Variants in KDELR2 observed in about 807,000 individuals in gnomAD.
KDELR2 encodes the protein ER lumen protein-retaining receptor 2.
KDELR2 carries 15 observed loss-of-function variants against 23.9 expected under a neutral mutation model. The observed-to-expected ratio is 0.63, with a 90% CI of 0.42 to 0.97. The LOEUF is 0.97. KDELR2 is among the 50% of genes least tolerant of loss of function. The probability of loss-of-function intolerance (pLI) is 0.00; values close to 1 mark genes in which losing one functional copy is unlikely to be tolerated. For missense variants in KDELR2, 272 were observed against 254.6 expected, an observed-to-expected ratio of 1.07 and a Z score of -0.46; for synonymous variants, 119 against 106.2, an observed-to-expected ratio of 1.12 and a Z score of -0.74.
At chr7:6,482,578 G>C (rs1013123660) in intron 1 of KDELR2, 1 of 470,876 alleles carries the variant, frequency 2.1e-6, no homozygotes, top group East Asian at 7.0e-5. Context: ...GTTCCAAGGA[G>C]ACAGGCGAGG....
At chr7:6,479,283 G>A (rs551850598) in intron 1 of KDELR2, among the ~76,000 whole-genome samples, 16 of 151,604 alleles carry the variant, frequency 1.1e-4, no homozygotes, top group African/African-American at 3.9e-4. Context: ...TCAGCCTTCT[G>A]AGTAGCTGGG....
intron 2 of KDELR2, among the ~76,000 whole-genome samples, chr7:6,471,837 T>C (rs1248917261): frequency 6.6e-6 from 1 of 152,126 alleles, no homozygotes; most frequent in Admixed American, 6.5e-5. Flanking sequence ...TGAATGTAAG[T>C]TTTCACTTCT....
Position 6,462,975 on chromosome 7 carries a change from A to T in KDELR2, c.*166T>A. ...GATAAGGCAAGATGCATTAAACAGA[A>T]ACCTTCTGGCTCTTTTCCTCTGCGT... On this transcript the variant is annotated 3_prime_UTR_variant, in exon 5 of 5. Coordinates refer to ENST00000258739, the MANE Select transcript of KDELR2 (RefSeq NM_006854.4). 6.2e-7 allele frequency: 1 copy of T among 1,613,324 alleles called. No homozygotes were observed. Among genetic ancestry groups the T allele is most frequent in the Non-Finnish European group, 8.5e-7 (1 of 1,179,780 alleles).
Position 6,466,219 on chromosome 7 carries a change from C to G in KDELR2, c.456G>C (p.Leu152=). The G allele has an allele frequency of 6.2e-7, 1 of 1,614,142 alleles. No individual in the cohort carries two copies. Among genetic ancestry groups the G allele is most frequent in the Non-Finnish European group, 8.5e-7 (1 of 1,180,040 alleles). ...AAGCACGATAGAGGCCCAGGAAGAA[C>G]AGGTAGTGGGTGGTGATGGTCTCGG... ...GEAETITTHY[L]FFLGLYRALY... The change falls in exon 4 of 5, where the codon CTG becomes CTC. Residue 152 remains leucine (L), a synonymous_variant. Coordinates refer to ENST00000258739, the MANE Select transcript of KDELR2 (RefSeq NM_006854.4).
intron 1 of KDELR2, among the ~76,000 whole-genome samples, chr7:6,481,015 G>C (rs1007395539): frequency 2.0e-5 from 3 of 152,120 alleles, no homozygotes; most frequent in Non-Finnish European, 4.4e-5. Flanking sequence ...TAGCATTTTA[G>C]CTGAAGTATT....
intron 2 of KDELR2, among the ~76,000 whole-genome samples, chr7:6,473,652 AT>A (rs1785698244): frequency 6.6e-6 from 1 of 152,252 alleles, no homozygotes; most frequent in African/African-American, 2.4e-5. Flanking sequence ...TATAGAGATC[AT>A]TTAAGCACGG....
rs148258667 is a variant in KDELR2, at chr7:6,464,614, C to A, written c.605-1439G>T. ...GGCTGAGACAGCAGACTCGCTTGAA[C>A]TTGGGAGGCAGAGGTTGCAGTGAGC... On this transcript the variant is annotated intron_variant, in intron 4 of 4. Coordinates refer to ENST00000258739, the MANE Select transcript of KDELR2 (RefSeq NM_006854.4). Among the ~76,000 whole-genome samples, 1,211 of 152,100 alleles carry A rather than the reference C, an allele frequency of 8.0e-3. 22 individuals are homozygous for A. The highest frequency in any genetic ancestry group is 0.017 in the African/African-American group (691 of 41,492).
chr7:6,469,760 A>C lies in KDELR2; in HGVS notation c.193-6T>G, dbSNP rs920051763. The C allele has an allele frequency of 4.4e-6, 7 of 1,601,480 alleles. No individual in the cohort carries two copies. The Admixed American group carries it at 1.2e-4, about 28-fold the overall frequency. ...GAGCAGGCAAGGTAGATAACCTACA[A>C]ATAAAAGAAAAAACACCAGGTGTCA... On this transcript the variant is annotated splice_polypyrimidine_tract_variant and splice_region_variant and intron_variant, in intron 2 of 4. Coordinates refer to ENST00000258739, the MANE Select transcript of KDELR2 (RefSeq NM_006854.4).
chr7:6,470,750 C>T (rs1785615573), intron 2 of KDELR2, among the ~76,000 whole-genome samples: 1 of 152,046 alleles, frequency 6.6e-6, no homozygotes, highest in Admixed American at 6.6e-5. Flanking sequence ...CCACTATGAC[C>T]ACCATCATGC....
chr7:6,475,828 C>T (rs889938904), intron 1 of KDELR2, among the ~76,000 whole-genome samples: 3 of 152,250 alleles, frequency 2.0e-5, no homozygotes, highest in Non-Finnish European at 2.9e-5. Flanking sequence ...CACCACTACA[C>T]ATTTTAGTAA....
chr7:6,474,019 C>A, intron 2 of KDELR2, 165 bp downstream of exon 2: 1 of 486,490 alleles, frequency 2.1e-6, no homozygotes, highest in Non-Finnish European at 3.6e-6. Flanking sequence ...TCGTTTAGTC[C>A]CAGTTATATA....
At chr7:6,468,415 C>T (rs117651444) in intron 3 of KDELR2, among the ~76,000 whole-genome samples, 3,487 of 152,256 alleles carry the variant, frequency 0.023, 62 homozygotes, top group Middle Eastern at 0.054. Context: ...CTGCAACTTC[C>T]GCCTCCAGGT....
At chr7:6,469,053 G>A (rs939799734) in intron 3 of KDELR2, among the ~76,000 whole-genome samples, 3 of 151,366 alleles carry the variant, frequency 2.0e-5, no homozygotes, top group Non-Finnish European at 2.9e-5. Flanking sequence ...CCGGGTTCAC[G>A]CCATTCTCCT....
Position 6,482,700 on chromosome 7 carries a change from C to T in KDELR2, c.91+1267G>A, listed in dbSNP as rs1415625180. 1.6e-5 allele frequency: 5 copies of T among 306,858 alleles called. No individual in the cohort carries two copies. The East Asian group carries it at 4.7e-4, about 29-fold the overall frequency. The allele number at this position is 306,858 out of a possible 1,614,324, so 19.0% of individuals were successfully genotyped here. On this transcript the variant is annotated intron_variant, in intron 1 of 4. Transcript: ENST00000258739. ...CCAGATAATTCAGGATCATCTTTTA[C>T]TGCCTCTGAAAAAATTAAGTTCTTG...
chr7:6,474,975 A>G (rs79375981), intron 1 of KDELR2, among the ~76,000 whole-genome samples: 1,578 of 152,262 alleles, frequency 0.01, 11 homozygotes, highest in South Asian at 0.016. Flanking sequence ...CCATGGTGAG[A>G]AATCTTTTGA....
chr7:6,475,658 G>A (rs1456409927), intron 1 of KDELR2, among the ~76,000 whole-genome samples: 1 of 152,162 alleles, frequency 6.6e-6, no homozygotes, highest in Non-Finnish European at 1.5e-5. Flanking sequence ...TATGTGGTGT[G>A]CACACAGCTT....
intron 1 of KDELR2, among the ~76,000 whole-genome samples, chr7:6,480,303 C>A (rs1164737000): frequency 6.6e-6 from 1 of 152,158 alleles, no homozygotes; most frequent in Non-Finnish European, 1.5e-5. Context: ...CATCTAAAAC[C>A]ACCGCTTGTT....
chr7:6,464,667 G>C (rs1279170362), intron 4 of KDELR2, among the ~76,000 whole-genome samples: 1 of 152,014 alleles, frequency 6.6e-6, no homozygotes. Context: ...ATTCTAGCCT[G>C]GGTGAGAGAG....
At chr7:6,472,063 G>A in intron 2 of KDELR2, among the ~76,000 whole-genome samples, 1 of 152,242 alleles carries the variant, frequency 6.6e-6, no homozygotes, top group South Asian at 2.1e-4. Context: ...GCCACACCCA[G>A]CTAATTTTTA....
Sources: gnomAD v4.1 joint callset for allele counts (sites outside exome capture counted in the v4.1 genomes callset) on GRCh38, gnomAD v4.1.1 for gene constraint, MANE v1.5 for transcripts, NCBI Gene and HGNC (gene_info 2026-07-23, HGNC 2026-07-21) for gene names.